CNIH3: variants seen among roughly 807,000 people sequenced by gnomAD.
CNIH3 encodes the protein cornichon family AMPA receptor auxiliary protein 3.
Under a neutral mutation model 24.1 loss-of-function variants are expected in CNIH3, and 14 were observed. The observed-to-expected ratio is 0.58, with a 90% CI of 0.38 to 0.91. The LOEUF (loss-of-function observed/expected upper bound fraction) is 0.91. Ranked by LOEUF, CNIH3 falls within the 40% of genes least tolerant of loss-of-function variation. The pLI, the probability that CNIH3 is intolerant of heterozygous loss-of-function variation, is 0.00. For synonymous variants in CNIH3, 68 were observed against 73.8 expected (o/e 0.92, Z 0.40); for missense variants, 178 against 196.8 (o/e 0.90, Z 0.57).
chr1:224,457,633 A>G (rs1016533486), intron 1 of CNIH3, among the ~76,000 whole-genome samples: 3 of 150,650 alleles, frequency 2.0e-5, no homozygotes, highest in Admixed American at 6.7e-5. Flanking sequence ...TCGCGGTCTC[A>G]TTTCCAGCCA....
chr1:224,497,604 G>C (rs1349049981), intron 1 of CNIH3, among the ~76,000 whole-genome samples: 1 of 152,160 alleles, frequency 6.6e-6, no homozygotes, highest in African/African-American at 2.4e-5. Flanking sequence ...ATATGGGTTG[G>C]GAACCCTTTG....
chr1:224,503,072 C>T (rs993328731), intron 1 of CNIH3, among the ~76,000 whole-genome samples: 13 of 148,284 alleles, frequency 8.8e-5, no homozygotes, highest in South Asian at 2.3e-4. Flanking sequence ...GGGGCAGGGG[C>T]GGAGGAAACC....
intron 1 of CNIH3, among the ~76,000 whole-genome samples, chr1:224,477,015 C>G (rs1389129183): frequency 6.6e-6 from 1 of 152,176 alleles, no homozygotes; most frequent in Non-Finnish European, 1.5e-5. Flanking sequence ...TAAAGCTGAT[C>G]TTACTCCCAC....
chr1:224,575,132 T>C (rs926929255), intron 4 of CNIH3: 11 of 942,342 alleles, frequency 1.2e-5, no homozygotes, highest in Non-Finnish European at 1.9e-5. Flanking sequence ...TCCTGGAAGA[T>C]CCCAGGATCA....
At chr1:224,702,019 C>G (rs1687519168) in intron 3 of CNIH3, among the ~76,000 whole-genome samples, 2 of 152,170 alleles carry the variant, frequency 1.3e-5, no homozygotes, top group African/African-American at 4.8e-5. Flanking sequence ...TTTGTATCCT[C>G]CCGTCATGCT....
intron 1 of CNIH3, among the ~76,000 whole-genome samples, chr1:224,630,598 T>A (rs1683770277): frequency 6.6e-6 from 1 of 151,514 alleles, no homozygotes; most frequent in African/African-American, 2.4e-5. Context: ...TTGCTTTTCT[T>A]CTTCCTCCTG....
At chr1:224,530,442 A>G (rs1679017453) in intron 2 of CNIH3, among the ~76,000 whole-genome samples, 1 of 152,168 alleles carries the variant, frequency 6.6e-6, no homozygotes, top group Non-Finnish European at 1.5e-5. Context: ...CTTAGGAACC[A>G]CTTTCATGCA....
At chr1:224,528,349 CTTA>C (rs1193720482) in intron 2 of CNIH3, among the ~76,000 whole-genome samples, 1 of 152,056 alleles carries the variant, frequency 6.6e-6, no homozygotes, top group African/African-American at 2.4e-5. Flanking sequence ...GAGACAAGAT[CTTA>C]TTATATTGTA....
At chr1:224,462,117 C>T (rs143966654) in intron 1 of CNIH3, among the ~76,000 whole-genome samples, 144 of 152,200 alleles carry the variant, frequency 9.5e-4, no homozygotes, top group African/African-American at 3.0e-3. Context: ...TATCACCATC[C>T]GCACCGTTGG....
At chr1:224,580,917 A>C (rs1681248908) in intron 4 of CNIH3, among the ~76,000 whole-genome samples, 1 of 152,162 alleles carries the variant, frequency 6.6e-6, no homozygotes, top group African/African-American at 2.4e-5. Flanking sequence ...AAAGCAGTCA[A>C]ATATGCATTC....
chr1:224,622,459 G>A (rs1225687394), intron 1 of CNIH3, among the ~76,000 whole-genome samples: 2 of 152,156 alleles, frequency 1.3e-5, no homozygotes, highest in Admixed American at 6.5e-5. Context: ...GTTGCTTGCC[G>A]CTTTATCCTT....
upstream of CNIH3, chr1:224,616,085 C>T (rs1566387): frequency 0.69 from 105,375 of 153,672 alleles, 37,489 homozygotes; most frequent in East Asian, 0.99. Flanking sequence ...CTCCGCTCGG[C>T]CTCCAGCCCT....
At chr1:224,546,475 A>T (rs963536222) in intron 2 of CNIH3, among the ~76,000 whole-genome samples, 2 of 152,110 alleles carry the variant, frequency 1.3e-5, no homozygotes, top group African/African-American at 4.8e-5. Context: ...GTCAACCTGG[A>T]GGGGGTAATG....
At chr1:224,634,799 T>C (rs1467521819) in intron 1 of CNIH3, among the ~76,000 whole-genome samples, 15 of 151,996 alleles carry the variant, frequency 9.9e-5, no homozygotes, top group Non-Finnish European at 5.9e-5. Context: ...TGAGCAGAGG[T>C]GTTCAATTTC....
intron 1 of CNIH3, among the ~76,000 whole-genome samples, chr1:224,641,115 C>T (rs761070230): frequency 3.3e-5 from 5 of 152,184 alleles, no homozygotes; most frequent in Non-Finnish European, 7.3e-5. Flanking sequence ...TGATTGGAGT[C>T]TTCGGCATGG....
intron 1 of CNIH3, among the ~76,000 whole-genome samples, chr1:224,658,502 T>C (rs1300458742): frequency 6.6e-6 from 1 of 152,064 alleles, no homozygotes; most frequent in Non-Finnish European, 1.5e-5. Context: ...ATTTTGCTTT[T>C]GGAAAATTTG....
chr1:224,708,424 G>C (rs1053367070), intron 3 of CNIH3, among the ~76,000 whole-genome samples: 2 of 152,158 alleles, frequency 1.3e-5, no homozygotes, highest in African/African-American at 2.4e-5. Context: ...ATTGGCCTTA[G>C]TAACCCTTCA....
At chr1:224,716,180 T>C in intron 3 of CNIH3, among the ~76,000 whole-genome samples, 1 of 152,186 alleles carries the variant, frequency 6.6e-6, no homozygotes, top group East Asian at 1.9e-4. Flanking sequence ...ATCTCTTGCC[T>C]GGAACACTAC....
chr1:224,479,957 G>A (rs1029126528), intron 1 of CNIH3, among the ~76,000 whole-genome samples: 1 of 152,200 alleles, frequency 6.6e-6, no homozygotes, highest in African/African-American at 2.4e-5. Flanking sequence ...TGCCCCAGTA[G>A]AGACTCTGTG....
Sources: allele counts gnomAD v4.1 joint callset (sites outside exome capture counted in the v4.1 genomes callset), GRCh38; gene constraint gnomAD v4.1.1; transcripts MANE v1.5; gene names NCBI Gene and HGNC (gene_info 2026-07-23, HGNC 2026-07-21).